The following TRPV4 variants were observed in gnomAD, a reference collection of about 807,000 sequenced individuals.
TRPV4 encodes transient receptor potential cation channel subfamily V member 4, also known as OSM9-like transient receptor potential channel 4.
Under a neutral mutation model 84.1 loss-of-function variants are expected in TRPV4, and 58 were observed. The ratio of observed to expected loss-of-function variants is 0.69; its 90% CI spans 0.56 to 0.86. The LOEUF is 0.86. Ranked by LOEUF, TRPV4 falls within the 40% of genes least tolerant of loss-of-function variation. TRPV4 has a pLI of 0.00. For synonymous variants in TRPV4, 489 were observed against 500.9 expected (o/e 0.98, Z 0.32); for missense variants, 879 against 1,181.1 (o/e 0.74, Z 3.75).
At chr12:109,794,305 C>T (rs1200946258) in intron 8 of TRPV4, 24 bp downstream of exon 8, 1 of 1,609,812 alleles carries the variant, frequency 6.2e-7, no homozygotes, top group Non-Finnish European at 8.5e-7. Context: ...TGCCCCAGCC[C>T]CTGCCCGGTC....
intron 2 of TRPV4, among the ~76,000 whole-genome samples, chr12:109,813,112 G>A (rs1302553150): frequency 1.3e-5 from 2 of 152,078 alleles, no homozygotes; most frequent in African/African-American, 4.8e-5. Flanking sequence ...GGATATGTAG[G>A]TGAATAAAAA....
intron 12 of TRPV4, 110 bp downstream of exon 12, chr12:109,792,243 CAAAAAAAAAA>C (rs768558199): frequency 1.9e-5 from 7 of 374,646 alleles, no homozygotes; most frequent in African/African-American, 1.2e-4. Context: ...AACTCCACCT[CAAAAAAAAAA>C]AAAAAAAAAA....
rs377729962 is a variant in TRPV4, at chr12:109,803,088, G to T, written c.615C>A (p.Gly205=). 1.7e-5 allele frequency: 27 copies of T among 1,614,034 alleles called. No individual in the cohort carries two copies. The highest frequency in any genetic ancestry group is 2.3e-5 in the Non-Finnish European group (27 of 1,180,032). Residue 205 remains glycine (G), a synonymous_variant, in exon 4 of 16, where the codon GGC becomes GGA. Transcript: ENST00000261740. ...LPKALLNLSN[G]RNDTIPVLLD... ...GCAGCACAGGGATGGTGTCGTTGCG[G>T]CCATTGCTCAGGTTCAGCAAGGCCT...
At chr12:109,792,498 A>G (rs1292969256) in intron 11 of TRPV4, 69 bp from the exon 12 acceptor site, 1 of 1,588,990 alleles carries the variant, frequency 6.3e-7, no homozygotes, top group African/African-American at 1.3e-5. Context: ...CCATTCCTCC[A>G]TCTCCACCCT....
At chr12:109,829,309 G>T (rs1321053339) in intron 1 of TRPV4, among the ~76,000 whole-genome samples, 2 of 152,314 alleles carry the variant, frequency 1.3e-5, no homozygotes, top group Non-Finnish European at 2.9e-5. Context: ...GTCCAGATGA[G>T]GAAACTGAGG....
rs767651884 is a variant in TRPV4, at chr12:109,793,648, GGAGAGGAGGA to G, written c.1585-58_1585-49del. ...TGAAAGGGGTGGGGCCAGCAGGAGAGGAGAGGAGGAGAGAGGAGACAGAGAAAGGGATAGA... is the reference window on the plus strand; with the variant it reads ...TGAAAGGGGTGGGGCCAGCAGGAGAGGAGAGGAGACAGAGAAAGGGATAGA... On this transcript the variant is annotated intron_variant, in intron 9 of 15. Transcript: ENST00000261740. The surrounding 1 kb of genome is among the most constrained non-coding windows in gnomAD (Gnocchi z 4.0). 2.0e-5 allele frequency: 30 copies of G among 1,464,166 alleles called. No homozygotes were observed. Among genetic ancestry groups the G allele is most frequent in the Non-Finnish European group, 2.9e-5 (30 of 1,043,830 alleles). 90.7% of individuals were successfully genotyped at this position (1,464,166 alleles called of 1,614,324 possible). A position where few individuals can be genotyped will look rare whatever the true frequency, so the allele number is the denominator to read the frequency against.
At chr12:109,794,670 T>C (rs1890279415) in intron 7 of TRPV4, among the ~76,000 whole-genome samples, 183 bp from the exon 8 acceptor site, 1 of 152,182 alleles carries the variant, frequency 6.6e-6, no homozygotes, top group Non-Finnish European at 1.5e-5. Context: ...TCAATGTACC[T>C]TTCCACCCTA....
chr12:109,832,228 G>A (rs76273762), intron 1 of TRPV4: 4,542 of 152,486 alleles, frequency 0.03, 200 homozygotes, highest in African/African-American at 0.096. Context: ...TCTTAGCCCC[G>A]CAGATAACCC....
chr12:109,814,812 G>T lies in TRPV4; in HGVS notation c.-16C>A. On this transcript the variant is annotated 5_prime_UTR_variant, in exon 2 of 16. Transcript: ENST00000261740. This position sits in a 1 kb window ranked among gnomAD's most constrained non-coding sequence, Gnocchi z 5.4. ...AATCCGCCATGCCTGCCCCAGGCCCGTCTGCACTGCTCAGCCTGCAAGGGA... is the reference window on the plus strand; with the variant it reads ...AATCCGCCATGCCTGCCCCAGGCCCTTCTGCACTGCTCAGCCTGCAAGGGA... 1 of 1,537,132 alleles carries T rather than the reference G, an allele frequency of 6.5e-7. No individual in the cohort carries two copies.
At chr12:109,801,815 G>A (rs536923774) in intron 4 of TRPV4, among the ~76,000 whole-genome samples, 3 of 152,196 alleles carry the variant, frequency 2.0e-5, no homozygotes, top group African/African-American at 7.2e-5. Flanking sequence ...GGGTAACAGA[G>A]CAAGACCTTG....
chr12:109,797,786 C>G (rs1890499518), intron 6 of TRPV4, among the ~76,000 whole-genome samples: 1 of 152,216 alleles, frequency 6.6e-6, no homozygotes, highest in African/African-American at 2.4e-5. Context: ...TCCCAACTAG[C>G]TGGCATTACA....
rs765724064 is a variant in TRPV4, at chr12:109,793,948, G to C, written c.1566C>G (p.Val522=). 8.1e-6 allele frequency: 13 copies of C among 1,610,054 alleles called. No individual in the cohort carries two copies. Among genetic ancestry groups the C allele is most frequent in the Middle Eastern group, 1.7e-4 (1 of 6,050 alleles). ...AGEVITLFTG[V]LFFFTNIKDL... Reference sequence around the variant, plus strand: ...CACTTACGTTGGTGAAGAAGAACAGGACCCCAGTGAAGAGCGTAATGACCT... The same window carrying C: ...CACTTACGTTGGTGAAGAAGAACAGCACCCCAGTGAAGAGCGTAATGACCT... The change falls in exon 9 of 16, where the codon GTC becomes GTG. Residue 522 remains valine, a synonymous_variant. Coordinates refer to ENST00000261740, the MANE Select transcript of TRPV4 (RefSeq NM_021625.5). This position sits in a 1 kb window ranked among gnomAD's most constrained non-coding sequence, Gnocchi z 4.0.
chr12:109,821,644 C>G (rs1347790204), intron 1 of TRPV4, among the ~76,000 whole-genome samples: 2 of 152,164 alleles, frequency 1.3e-5, no homozygotes, highest in Admixed American at 6.5e-5. Context: ...ATTCTCGTGC[C>G]TCAGCCTCCT....
At position 109,793,478 on chromosome 12, in the gene TRPV4, A is replaced by G; in HGVS notation, c.1658+49T>C. 6.5e-7 allele frequency: 1 copy of G among 1,539,902 alleles called. No homozygotes were observed. The highest frequency in any genetic ancestry group is 9.0e-7 in the Non-Finnish European group (1 of 1,113,058). ...TGAATCTGGACGACCTAGCAGCCCA[A>G]ACCCACCTTCCTCACCCAGAAGCTG... On this transcript the variant is annotated intron_variant, in intron 10 of 15. Coordinates refer to ENST00000261740, the MANE Select transcript of TRPV4 (RefSeq NM_021625.5). The surrounding 1 kb of genome is among the most constrained non-coding windows in gnomAD (Gnocchi z 4.0).
chr12:109,827,645 T>C (rs1892294051), intron 1 of TRPV4, among the ~76,000 whole-genome samples: 1 of 151,332 alleles, frequency 6.6e-6, no homozygotes, highest in South Asian at 2.1e-4. Flanking sequence ...TACATACATA[T>C]ACACGCAAAC....
chr12:109,826,561 G>A (rs866638520), intron 1 of TRPV4, among the ~76,000 whole-genome samples: 2 of 152,140 alleles, frequency 1.3e-5, no homozygotes, highest in Non-Finnish European at 2.9e-5. Flanking sequence ...AGTCCACAAC[G>A]CTACAGGAAG....
At chr12:109,830,720 C>T (rs1205917639) in intron 1 of TRPV4, among the ~76,000 whole-genome samples, 2 of 152,178 alleles carry the variant, frequency 1.3e-5, no homozygotes, top group South Asian at 2.1e-4. Context: ...CTGAGGCAGA[C>T]AGCAGGGTCA....
chr12:109,812,639 G>C (rs1230665422), intron 2 of TRPV4, among the ~76,000 whole-genome samples: 3 of 152,196 alleles, frequency 2.0e-5, no homozygotes, highest in Non-Finnish European at 4.4e-5. Flanking sequence ...GGTTAGAAGA[G>C]AGAAGGAGAG....
intron 1 of TRPV4, among the ~76,000 whole-genome samples, chr12:109,827,885 C>G (rs987826287): frequency 1.3e-5 from 2 of 152,016 alleles, no homozygotes; most frequent in Admixed American, 6.6e-5. Flanking sequence ...CATACACACA[C>G]AGACACACAT....
Sources: allele counts gnomAD v4.1 joint callset (sites outside exome capture counted in the v4.1 genomes callset), GRCh38; gene constraint gnomAD v4.1.1; non-coding constraint Gnocchi (gnomAD v3.1); transcripts MANE v1.5; gene names NCBI Gene and HGNC (gene_info 2026-07-23, HGNC 2026-07-21).